CD99L2: variants seen among roughly 807,000 people sequenced by gnomAD.
CD99L2 encodes the protein CD99 molecule like 2, also known as CD99 antigen-like protein 2.
A neutral mutation model predicts 27.3 loss-of-function variants in CD99L2; 24 were observed. That is an observed-to-expected ratio of 0.88 (90% confidence interval 0.64 to 1.24). The LOEUF (loss-of-function observed/expected upper bound fraction) is 1.24, where lower values mean the gene tolerates loss of function less well. CD99L2 is among the 50% of genes most tolerant of loss of function. The probability of loss-of-function intolerance (pLI) is 0.00; values close to 1 mark genes in which losing one functional copy is unlikely to be tolerated. For missense variants in CD99L2, 255 were observed against 221.6 expected, an observed-to-expected ratio of 1.15 and a Z score of -0.96; for synonymous variants, 97 against 87.9, an observed-to-expected ratio of 1.10 and a Z score of -0.58.
In CD99L2 at chrX:150,803,043, G is replaced by A. The variant is rs188063591; in HGVS notation, c.278-7557C>T. On this transcript the variant is annotated intron_variant, in intron 4 of 10. Coordinates refer to ENST00000370377, the MANE Select transcript of CD99L2 (RefSeq NM_031462.4). ...CCTGAGTAACTGGGATTACAGATGC[G>A]TGCCACTACACCCCGCTAATTTTTG... Among the ~76,000 whole-genome samples the A allele has an allele frequency of 2.5e-3, 260 of 106,082 alleles. 3 individuals carry two copies. The highest frequency in any genetic ancestry group is 8.0e-3 in the African/African-American group (233 of 29,101). 92.1% of individuals were successfully genotyped at this position (106,082 alleles called of 115,157 possible). A position where few individuals can be genotyped will look rare whatever the true frequency, so the allele number is the denominator to read the frequency against.
At chrX:150,811,821 T>C (rs984106699) in intron 4 of CD99L2, among the ~76,000 whole-genome samples, 1 of 110,817 alleles carries the variant, frequency 9.0e-6, no homozygotes, top group African/African-American at 3.3e-5. Context: ...TAGGAGAAAA[T>C]CTATAAAACC....
Position 150,862,002 on chromosome X carries a change from C to A in CD99L2, c.68-30709G>T, listed in dbSNP as rs187127502. Among the ~76,000 whole-genome samples the A allele has an allele frequency of 5.1e-3, 561 of 110,906 alleles. 7 individuals carry two copies. The highest frequency in any genetic ancestry group is 0.014 in the Middle Eastern group (3 of 216). ...GAAGAAATGGATAAATTCCTGGACA[C>A]ATACACCCTCCTAAGACTAAACCAG... On this transcript the variant is annotated intron_variant, in intron 1 of 10. Coordinates refer to ENST00000370377, the MANE Select transcript of CD99L2 (RefSeq NM_031462.4).
chrX:150,774,709 T>C (rs782146216), intron 9 of CD99L2, among the ~76,000 whole-genome samples: 4 of 112,213 alleles, frequency 3.6e-5, no homozygotes, highest in African/African-American at 9.7e-5. Flanking sequence ...GATGCAAAAC[T>C]TCCCCCGCCG....
chrX:150,826,444 T>C (rs895839196), intron 2 of CD99L2, among the ~76,000 whole-genome samples: 45 of 111,004 alleles, frequency 4.1e-4, no homozygotes, highest in African/African-American at 1.5e-3. Context: ...GAAAGCAACA[T>C]GGATGAGCCT....
chrX:150,824,239 AAGAAGG>A lies in CD99L2; in HGVS notation c.130+6986_130+6991del, dbSNP rs782705129. ...AGGAGGAAGAGGAAGAAGAAGAAAGAAGAAGGAGGAGGAGGAGGAAGAAGGAAGGAG... is the reference window on the plus strand; with the variant it reads ...AGGAGGAAGAGGAAGAAGAAGAAAGAAGGAGGAGGAGGAAGAAGGAAGGAG... On this transcript the variant is annotated intron_variant, in intron 2 of 10. Coordinates refer to ENST00000370377, the MANE Select transcript of CD99L2 (RefSeq NM_031462.4). Among the ~76,000 whole-genome samples, 184 of 50,693 alleles carry A rather than the reference AAGAAGG, an allele frequency of 3.6e-3. 4 individuals are homozygous for A. Among genetic ancestry groups the A allele is most frequent in the African/African-American group, 0.015 (180 of 11,623 alleles). The allele number at this position is 50,693 out of a possible 115,157, so 44.0% of individuals were successfully genotyped here.
chrX:150,818,051 C>CATAATAATTTTAAATAAAAAAAATA (rs1557420581), intron 2 of CD99L2, among the ~76,000 whole-genome samples: 8 of 93,335 alleles, frequency 8.6e-5, no homozygotes, highest in African/African-American at 3.9e-4. Flanking sequence ...AAGAGGAAGA[C>CATAATAATTTTAAATAAAAAAAATA]ATAATAATTT....
intron 1 of CD99L2, among the ~76,000 whole-genome samples, chrX:150,892,850 G>A (rs917589409): frequency 9.0e-6 from 1 of 110,920 alleles, no homozygotes; most frequent in Non-Finnish European, 1.9e-5. Context: ...AGCTGGGCGC[G>A]GTGGTTCACG....
chrX:150,824,562 A>G (rs868975010), intron 2 of CD99L2, among the ~76,000 whole-genome samples: 18 of 86,181 alleles, frequency 2.1e-4, no homozygotes, highest in Non-Finnish European at 2.3e-4. Context: ...AAGAAGAAAG[A>G]AGGAGGAGGA....
chrX:150,806,164 C>T (rs1336358024), intron 4 of CD99L2, among the ~76,000 whole-genome samples: 2 of 112,300 alleles, frequency 1.8e-5, no homozygotes. Flanking sequence ...GTATGGGGTG[C>T]ATAGGATCTC....
rs918677938 is a variant in CD99L2 at position 150,768,929 on chromosome X, G to A, written c.*105C>T. 19 of 1,070,139 alleles carry A rather than the reference G, an allele frequency of 1.8e-5. No homozygotes were observed. Among genetic ancestry groups the A allele is most frequent in the South Asian group, 2.7e-5 (1 of 36,366 alleles). The allele number at this position is 1,070,139 out of a possible 1,213,427, so 88.2% of individuals were successfully genotyped here. ...GGGAAACTCAGACCAACAAGGAGCC[G>A]ATGGCACAGAGCAGCACAGCAGCTG... On this transcript the variant is annotated 3_prime_UTR_variant, in exon 11 of 11. Coordinates refer to ENST00000370377, the MANE Select transcript of CD99L2 (RefSeq NM_031462.4).
intron 1 of CD99L2, among the ~76,000 whole-genome samples, chrX:150,857,323 T>C (rs1039351190): frequency 4.5e-5 from 5 of 111,145 alleles, no homozygotes; most frequent in African/African-American, 1.6e-4. Context: ...ATAATCAGAA[T>C]GTCTGAGGTC....
Position 150,782,681 on chromosome X carries a change from T to C in CD99L2, c.497-5199A>G, listed in dbSNP as rs1200338512. On this transcript the variant is annotated intron_variant, in intron 7 of 10. Transcript: ENST00000370377. ...ATCTGAAACATCCTATTTCTTTACA[T>C]GTTATGAAAGCTGAAATGAATGTGG... 9.0e-5 allele frequency among the ~76,000 whole-genome samples: 10 copies of C among 111,704 alleles called. 1 individual carries two copies. Among genetic ancestry groups the C allele is most frequent in the African/African-American group, 2.9e-4 (9 of 30,708 alleles).
chrX:150,777,274 C>T (rs1048116126), intron 8 of CD99L2, 170 bp downstream of exon 8: 67 of 533,293 alleles, frequency 1.3e-4, no homozygotes, highest in Non-Finnish European at 1.9e-4. Flanking sequence ...GTGAGGGAGG[C>T]GTGCAGCTTT....
intron 1 of CD99L2, among the ~76,000 whole-genome samples, chrX:150,851,966 G>A (rs1388693263): frequency 8.9e-6 from 1 of 111,913 alleles, no homozygotes; most frequent in Non-Finnish European, 1.9e-5. Context: ...AGATTAGGAT[G>A]TGGACCTCTG....
chrX:150,836,361 G>A (rs980060115), intron 1 of CD99L2, among the ~76,000 whole-genome samples: 1 of 107,990 alleles, frequency 9.3e-6, no homozygotes, highest in Non-Finnish European at 1.9e-5. Flanking sequence ...TTTTTTTTCC[G>A]AGATGGAGTT....
chrX:150,827,405 C>A (rs1557420958), intron 2 of CD99L2, among the ~76,000 whole-genome samples: 1 of 111,251 alleles, frequency 9.0e-6, no homozygotes, highest in Non-Finnish European at 1.9e-5. Context: ...GAGACACTGG[C>A]TGATGGGTGC....
In CD99L2 at chrX:150,770,608, C is replaced by T. The variant is rs201807609; in HGVS notation, c.656-239G>A. On this transcript the variant is annotated intron_variant, in intron 9 of 10. Coordinates refer to ENST00000370377, the MANE Select transcript of CD99L2 (RefSeq NM_031462.4). ...CCTCAGAAATAACAACGACATGCAG[C>T]GAAGGCTTCCGGCACTCCATCCTCA... Among the ~76,000 whole-genome samples, 8 of 112,863 alleles carry T rather than the reference C, an allele frequency of 7.1e-5. No homozygotes were observed. In the East Asian group the frequency reaches 2.2e-3, roughly 32 times the overall value.
intron 4 of CD99L2, among the ~76,000 whole-genome samples, chrX:150,806,363 C>T (rs1040769529): frequency 9.0e-6 from 1 of 110,535 alleles, no homozygotes; most frequent in East Asian, 2.9e-4. Flanking sequence ...TCAAGTGATT[C>T]TCCCACCTCA....
At chrX:150,811,086 C>T (rs1284982128) in intron 4 of CD99L2, among the ~76,000 whole-genome samples, 3 of 111,826 alleles carry the variant, frequency 2.7e-5, no homozygotes, top group African/African-American at 9.8e-5. Flanking sequence ...AATAAAAACA[C>T]AATAACCCAA....
Sources: gnomAD v4.1 joint callset for allele counts (sites outside exome capture counted in the v4.1 genomes callset) on GRCh38, gnomAD v4.1.1 for gene constraint, MANE v1.5 for transcripts, NCBI Gene and HGNC (gene_info 2026-07-23, HGNC 2026-07-21) for gene names.